Variants in PLGRKT observed in about 807,000 individuals in gnomAD.
PLGRKT encodes the protein plasminogen receptor (KT).
Under a neutral mutation model 18.5 loss-of-function variants are expected in PLGRKT, and 22 were observed. That is an observed-to-expected ratio of 1.19 (90% confidence interval 0.85 to 1.70). The LOEUF (loss-of-function observed/expected upper bound fraction) is 1.70, where lower values mean the gene tolerates loss of function less well. Among genes scored for constraint, PLGRKT ranks in the 40% most tolerant of loss-of-function variants. The pLI is 0.00. For missense variants in PLGRKT, 235 were observed against 174.4 expected (o/e 1.35, Z -1.96); for synonymous variants, 72 against 52.8 (o/e 1.36, Z -1.58).
intron 3 of PLGRKT, among the ~76,000 whole-genome samples, chr9:5,426,222 G>A (rs1043063177): frequency 3.3e-5 from 5 of 152,130 alleles, no homozygotes; most frequent in African/African-American, 1.2e-4. Context: ...GGGAGCTTCA[G>A]GAATATTGTC....
intron 2 of PLGRKT, among the ~76,000 whole-genome samples, chr9:5,432,873 TG>T (rs1818858457): frequency 6.6e-6 from 1 of 152,180 alleles, no homozygotes; most frequent in African/African-American, 2.4e-5. Context: ...CCGCCTGCCT[TG>T]GCCTCCCAAA....
At chr9:5,391,700 G>C (rs1427621558) in intron 3 of PLGRKT, among the ~76,000 whole-genome samples, 1 of 151,934 alleles carries the variant, frequency 6.6e-6, no homozygotes, top group Non-Finnish European at 1.5e-5. Flanking sequence ...AATAAACAAA[G>C]CAAGCAGCCC....
At chr9:5,396,259 A>G (rs1338575175) in intron 3 of PLGRKT, among the ~76,000 whole-genome samples, 1 of 151,772 alleles carries the variant, frequency 6.6e-6, no homozygotes, top group Non-Finnish European at 1.5e-5. Flanking sequence ...TTGGACACTA[A>G]CAAGAACACA....
intron 3 of PLGRKT, among the ~76,000 whole-genome samples, chr9:5,363,818 C>A (rs1817321838): frequency 6.6e-6 from 1 of 152,138 alleles, no homozygotes; most frequent in Non-Finnish European, 1.5e-5. Context: ...GAGTTTTAAA[C>A]TAGAAGTAAT....
At chr9:5,415,161 G>C (rs868626491) in intron 3 of PLGRKT, among the ~76,000 whole-genome samples, 17 of 152,220 alleles carry the variant, frequency 1.1e-4, no homozygotes, top group Middle Eastern at 3.4e-3. Context: ...TCACAGAAAA[G>C]AAGCAGGTAC....
intron 3 of PLGRKT, among the ~76,000 whole-genome samples, chr9:5,390,003 C>T (rs576226545): frequency 4.0e-5 from 6 of 151,620 alleles, no homozygotes; most frequent in Non-Finnish European, 7.4e-5. Context: ...ACATCATGTC[C>T]AGAAGCACCA....
intron 3 of PLGRKT, among the ~76,000 whole-genome samples, chr9:5,422,095 A>C (rs1818586753): frequency 6.6e-6 from 1 of 152,228 alleles, no homozygotes; most frequent in Non-Finnish European, 1.5e-5. Context: ...AAATTTCCAC[A>C]CAACGAATGT....
intron 3 of PLGRKT, among the ~76,000 whole-genome samples, chr9:5,394,454 C>T (rs889493783): frequency 1.3e-5 from 2 of 151,782 alleles, no homozygotes; most frequent in African/African-American, 2.4e-5. Flanking sequence ...GCTGTGTTGC[C>T]CAGGCTGGAG....
At chr9:5,395,619 A>T (rs1818029678) in intron 3 of PLGRKT, among the ~76,000 whole-genome samples, 1 of 151,962 alleles carries the variant, frequency 6.6e-6, no homozygotes, top group Admixed American at 6.6e-5. Context: ...AAACAGTGCA[A>T]ATTCCTTTGT....
At chr9:5,427,651 A>G (rs1818728864) in intron 3 of PLGRKT, among the ~76,000 whole-genome samples, 1 of 152,248 alleles carries the variant, frequency 6.6e-6, no homozygotes, top group African/African-American at 2.4e-5. Context: ...GGTTTCAGGT[A>G]TCCACTGGGG....
chr9:5,395,137 T>A (rs10815204), intron 3 of PLGRKT, among the ~76,000 whole-genome samples: 1 of 151,186 alleles, frequency 6.6e-6, no homozygotes, highest in Admixed American at 6.6e-5. Flanking sequence ...AAGATTATCT[T>A]CAAACAGATT....
chr9:5,384,930 T>A (rs559945334), intron 3 of PLGRKT, among the ~76,000 whole-genome samples: 115 of 152,302 alleles, frequency 7.6e-4, no homozygotes, highest in Admixed American at 1.6e-3. Context: ...GAATTCATTT[T>A]CCTCTGATAT....
intron 3 of PLGRKT, among the ~76,000 whole-genome samples, chr9:5,430,218 G>A (rs536386671): frequency 9.9e-5 from 15 of 152,188 alleles, no homozygotes; most frequent in South Asian, 6.2e-4. Context: ...AGGCTAACAC[G>A]TTAGCTTGCA....
intron 3 of PLGRKT, chr9:5,382,046 A>G (rs1817757406): frequency 2.0e-6 from 2 of 979,884 alleles, no homozygotes; most frequent in Non-Finnish European, 2.4e-6. Context: ...AAAAAAAGTC[A>G]TATTAGCCTC....
At chr9:5,387,243 G>T (rs1001993041) in intron 3 of PLGRKT, among the ~76,000 whole-genome samples, 3 of 151,950 alleles carry the variant, frequency 2.0e-5, no homozygotes, top group Admixed American at 1.3e-4. Context: ...GAAAAAGATG[G>T]AATGCTGCTG....
intron 3 of PLGRKT, among the ~76,000 whole-genome samples, chr9:5,373,011 TGCAATA>T (rs1412133961): frequency 6.6e-6 from 1 of 152,174 alleles, no homozygotes; most frequent in Admixed American, 6.5e-5. Flanking sequence ...GCCGTCTACT[TGCAATA>T]ATCACGTTAA....
chr9:5,389,741 G>A (rs559752710), intron 3 of PLGRKT, among the ~76,000 whole-genome samples: 2 of 151,974 alleles, frequency 1.3e-5, no homozygotes, highest in South Asian at 2.1e-4. Context: ...GAAGAGATAG[G>A]AGTTTGTTAG....
At chr9:5,413,333 C>A (rs1349684479) in intron 3 of PLGRKT, among the ~76,000 whole-genome samples, 1 of 152,114 alleles carries the variant, frequency 6.6e-6, no homozygotes. Context: ...AATAATGGGA[C>A]CTCAGAGAAG....
At position 5,358,032 on chromosome 9, in the gene PLGRKT, G is replaced by C. The variant is rs1377246083; in HGVS notation, c.*207C>G. The stretch of plus-strand genomic sequence containing the variant: ...TAGATATTGGTAATGCACACAGAGA[G>C]AGGAAATCTAAAAGTTATTTAGAGC... On this transcript the variant is annotated 3_prime_UTR_variant, in exon 6 of 6. Coordinates refer to ENST00000223864, the MANE Select transcript of PLGRKT (RefSeq NM_018465.4). 1 of 422,464 alleles carries C rather than the reference G, an allele frequency of 2.4e-6. No individual in the cohort carries two copies. The highest frequency in any genetic ancestry group is 4.2e-6 in the Non-Finnish European group (1 of 238,414). The allele number at this position is 422,464 out of a possible 1,614,324, so 26.2% of individuals were successfully genotyped here. A position where few individuals can be genotyped will look rare whatever the true frequency, so the allele number is the denominator to read the frequency against.
Sources: allele counts gnomAD v4.1 joint callset (sites outside exome capture counted in the v4.1 genomes callset), GRCh38; gene constraint gnomAD v4.1.1; transcripts MANE v1.5; gene names NCBI Gene and HGNC (gene_info 2026-07-23, HGNC 2026-07-21).